MRC1: variants seen among roughly 807,000 people sequenced by gnomAD.
MRC1 encodes the protein mannose receptor C-type 1.
In MRC1, 62 loss-of-function variants were observed where a neutral mutation model predicts 102.9. The observed-to-expected ratio is 0.60, with a 90% CI of 0.49 to 0.74. The LOEUF (loss-of-function observed/expected upper bound fraction) is 0.74. MRC1 is among the 30% of genes least tolerant of loss of function. The pLI is 0.00. For missense variants in MRC1, 1,237 were observed against 862.8 expected (o/e 1.43, Z -5.43); for synonymous variants, 457 against 298.4 (o/e 1.53, Z -5.48).
chr10:17,836,300 A>G (rs1284231898), intron 4 of MRC1, among the ~76,000 whole-genome samples: 3 of 152,258 alleles, frequency 2.0e-5, no homozygotes, highest in Admixed American at 1.3e-4. Flanking sequence ...AGTCTTAGAG[A>G]TAGGGTTCTT....
At chr10:17,849,114 T>C (rs1589176707) in intron 6 of MRC1, among the ~76,000 whole-genome samples, 1 of 148,202 alleles carries the variant, frequency 6.7e-6, no homozygotes, top group South Asian at 2.4e-4. Context: ...ATTAGTATAG[T>C]CTTGTTGTAG....
intron 15 of MRC1, among the ~76,000 whole-genome samples, chr10:17,873,117 A>G (rs1833377532): frequency 6.6e-6 from 1 of 152,208 alleles, no homozygotes; most frequent in African/African-American, 2.4e-5. Context: ...CATTAACCCA[A>G]AAGCTAGGTA....
At position 17,813,728 on chromosome 10, in the gene MRC1, C is replaced by A. The variant is rs1471411082; in HGVS notation, c.61+4202C>A. Among the ~76,000 whole-genome samples the A allele has an allele frequency of 7.6e-5, 11 of 144,680 alleles. No homozygotes were observed. In the South Asian group the frequency reaches 1.1e-3, roughly 14 times the overall value. The allele number at this position is 144,680 out of a possible 152,430, so 94.9% of individuals were successfully genotyped here. A position where few individuals can be genotyped will look rare whatever the true frequency, so the allele number is the denominator to read the frequency against. On this transcript the variant is annotated intron_variant, in intron 1 of 29. Transcript: ENST00000569591. ...TTTTTTTTTTTTTGAGACAGGGTCT[C>A]ACTCTGTCATCCAGGCTGGAGTGCA...
intron 22 of MRC1, among the ~76,000 whole-genome samples, chr10:17,890,182 A>C (rs1833653147): frequency 6.6e-6 from 1 of 152,196 alleles, no homozygotes; most frequent in African/African-American, 2.4e-5. Flanking sequence ...AAAGAAATCC[A>C]ACGTAATTAC....
rs1041762118 is a variant in MRC1, at chr10:17,883,429, G to T, written c.2981-1840G>T. ...CAGATGTGAGCCACCATATCTAGCT[G>T]TACTCATGCTGCTTTTTCTTTTCTG... On this transcript the variant is annotated intron_variant, in intron 21 of 29. Transcript: ENST00000569591. Among the ~76,000 whole-genome samples the T allele has an allele frequency of 3.6e-5, 3 of 82,326 alleles. No individual in the cohort carries two copies. The South Asian group carries it at 1.7e-3, about 45-fold the overall frequency. The allele number at this position is 82,326 out of a possible 152,430, so 54.0% of individuals were successfully genotyped here. A position where few individuals can be genotyped will look rare whatever the true frequency, so the allele number is the denominator to read the frequency against.
At chr10:17,862,506 T>G (rs1833199159) in intron 10 of MRC1, among the ~76,000 whole-genome samples, 1 of 152,200 alleles carries the variant, frequency 6.6e-6, no homozygotes, top group African/African-American at 2.4e-5. Flanking sequence ...ATTTGGACAT[T>G]TGTACATCCA....
intron 7 of MRC1, among the ~76,000 whole-genome samples, chr10:17,850,327 C>T (rs921246441): frequency 5.9e-4 from 85 of 144,340 alleles, no homozygotes; most frequent in Non-Finnish European, 9.4e-4. Flanking sequence ...GGCCAAGCTA[C>T]GGTGGCTCAT....
intron 6 of MRC1, among the ~76,000 whole-genome samples, chr10:17,847,367 T>A (rs2130637782): frequency 6.6e-6 from 1 of 152,350 alleles, no homozygotes; most frequent in South Asian, 2.1e-4. Context: ...AAAATTTTGT[T>A]CATTTCATCA....
At chr10:17,892,636 CT>C (rs1332507609) in intron 22 of MRC1, among the ~76,000 whole-genome samples, 1 of 151,886 alleles carries the variant, frequency 6.6e-6, no homozygotes, top group African/African-American at 2.4e-5. Context: ...AAGTGTGCTC[CT>C]TTTTTTTGTT....
intron 10 of MRC1, among the ~76,000 whole-genome samples, chr10:17,863,259 G>A (rs1257689624): frequency 6.6e-6 from 1 of 152,132 alleles, no homozygotes; most frequent in South Asian, 2.1e-4. Flanking sequence ...TTTGAGAATA[G>A]GCAGAGGGGC....
Position 17,879,615 on chromosome 10 carries a change from G to T in MRC1, c.2619-106G>T, listed in dbSNP as rs1440530756. On this transcript the variant is annotated intron_variant, in intron 18 of 29. Coordinates refer to ENST00000569591, the MANE Select transcript of MRC1 (RefSeq NM_002438.4). ...TGGCCTCAGGTGATCCACTCGCCTC[G>T]GCCTCCCATGGTGCTGGGATTACAG... is the stretch of plus-strand genomic sequence containing the variant. 7.7e-6 allele frequency: 6 copies of T among 779,046 alleles called. No individual in the cohort carries two copies. The East Asian group carries it at 1.5e-4, about 19-fold the overall frequency. The allele number at this position is 779,046 out of a possible 1,614,324, so 48.3% of individuals were successfully genotyped here.
At chr10:17,811,743 A>T (rs1357930543) in intron 1 of MRC1, among the ~76,000 whole-genome samples, 8 of 151,304 alleles carry the variant, frequency 5.3e-5, no homozygotes, top group Non-Finnish European at 8.8e-5. Context: ...CTAATTTTTA[A>T]TTTTTTTTAT....
At chr10:17,866,991 G>C (rs1295694442) in intron 12 of MRC1, among the ~76,000 whole-genome samples, 1 of 151,988 alleles carries the variant, frequency 6.6e-6, no homozygotes, top group Admixed American at 6.6e-5. Context: ...ACTCACAGAA[G>C]TTTTTTCTCA....
rs971091557 is a variant in MRC1 at position 17,813,182 on chromosome 10, C to T, written c.61+3656C>T. ...GATGTAGATCCAGGACTTTGCTCAA[C>T]GGCTTGTACTTTTCCACATCCCCTT... On this transcript the variant is annotated intron_variant, in intron 1 of 29. Coordinates refer to ENST00000569591, the MANE Select transcript of MRC1 (RefSeq NM_002438.4). 7.8e-4 allele frequency among the ~76,000 whole-genome samples: 118 copies of T among 152,242 alleles called. 1 individual carries two copies. In the East Asian group the frequency reaches 0.018, roughly 23 times the overall value.
intron 22 of MRC1, among the ~76,000 whole-genome samples, chr10:17,891,721 G>GT (rs1440570816): frequency 1.3e-5 from 2 of 152,156 alleles, no homozygotes; most frequent in African/African-American, 4.8e-5. Flanking sequence ...GCTGTTTGCT[G>GT]TCACTTTAGG....
intron 1 of MRC1, among the ~76,000 whole-genome samples, chr10:17,819,451 G>A (rs1838362737): frequency 1.1e-5 from 1 of 87,712 alleles, no homozygotes; most frequent in Non-Finnish European, 2.3e-5. Flanking sequence ...ATTCAGAGTT[G>A]TATGTGTGTG....
Position 17,880,525 on chromosome 10 carries a change from G to A in MRC1, c.2720G>A (p.Gly907Glu). The A allele has an allele frequency of 1.3e-6, 1 of 780,554 alleles. No homozygotes were observed. Among genetic ancestry groups the A allele is most frequent in the South Asian group, 1.3e-5 (1 of 74,592 alleles). The allele number at this position is 780,554 out of a possible 1,614,324, so 48.4% of individuals were successfully genotyped here. The change falls in exon 20 of 30, where the codon GGG becomes GAG. Residue 907 changes from glycine (G) to glutamate (E), a missense_variant and splice_region_variant. Coordinates refer to ENST00000569591, the MANE Select transcript of MRC1 (RefSeq NM_002438.4). The stretch of plus-strand genomic sequence containing the variant: ...ATTTAACTATTTCTCTCTTTGCCAG[G>A]GTTTTGGAATGACATTAACTGTGGC... ...ENCVTMYSNS[G>E]FWNDINCGYP...
In MRC1 at chr10:17,823,173, A is replaced by T; in HGVS notation, c.161A>T (p.Glu54Val). ...VQTAACNQDA[E>V]SQKFRWVSES... Reference sequence around the variant, plus strand: ...ACCGCAGCTTGCAACCAGGATGCCGAATCACAGAAATTCCGATGGGTGTCC... The same window carrying T: ...ACCGCAGCTTGCAACCAGGATGCCGTATCACAGAAATTCCGATGGGTGTCC... Residue 54 changes from glutamate to valine, a missense_variant, in exon 2 of 30, where the codon GAA becomes GTA. Coordinates refer to ENST00000569591, the MANE Select transcript of MRC1 (RefSeq NM_002438.4). 1.3e-6 allele frequency: 1 copy of T among 780,880 alleles called. No homozygotes were observed. Among genetic ancestry groups the T allele is most frequent in the East Asian group, 2.4e-5 (1 of 41,260 alleles). 48.4% of individuals were successfully genotyped at this position (780,880 alleles called of 1,614,324 possible).
rs977331205 is a variant in MRC1 at position 17,813,698 on chromosome 10, A to T, written c.61+4172A>T. Among the ~76,000 whole-genome samples the T allele has an allele frequency of 5.9e-3, 617 of 104,402 alleles. 4 individuals carry two copies. The highest frequency in any genetic ancestry group is 0.02 in the African/African-American group (589 of 29,018). 68.5% of individuals were successfully genotyped at this position (104,402 alleles called of 152,430 possible). A position where few individuals can be genotyped will look rare whatever the true frequency, so the allele number is the denominator to read the frequency against. ...ACACACACATTATATATATATATAT[A>T]TATTTTTTTTTTTTTTTGAGACAGG... On this transcript the variant is annotated intron_variant, in intron 1 of 29. Coordinates refer to ENST00000569591, the MANE Select transcript of MRC1 (RefSeq NM_002438.4).
Sources: allele counts gnomAD v4.1 joint callset (sites outside exome capture counted in the v4.1 genomes callset), GRCh38; gene constraint gnomAD v4.1.1; transcripts MANE v1.5; gene names NCBI Gene and HGNC (gene_info 2026-07-23, HGNC 2026-07-21).